Variants in BANP observed in about 807,000 individuals in gnomAD.
BANP encodes the protein BTG3 associated nuclear protein.
A neutral mutation model predicts 68.1 loss-of-function variants in BANP; 11 were observed. The observed-to-expected ratio is 0.16, with a 90% CI of 0.10 to 0.27. The LOEUF is 0.27. Ranked by LOEUF, BANP falls within the 10% of genes least tolerant of loss-of-function variation. BANP has a pLI of 1.00. For missense variants in BANP, 504 were observed against 722.7 expected, an observed-to-expected ratio of 0.70 and a Z score of 3.47; for synonymous variants, 329 against 303.2, an observed-to-expected ratio of 1.09 and a Z score of -0.88.
intron 4 of BANP, among the ~76,000 whole-genome samples, chr16:87,987,881 T>A (rs921498017): frequency 6.6e-6 from 1 of 151,918 alleles, no homozygotes; most frequent in African/African-American, 2.4e-5. Context: ...TTCTCCCACC[T>A]CAGCCTCCCG....
At position 88,037,994 on chromosome 16, in the gene BANP, G is replaced by T. The variant is rs138252049; in HGVS notation, c.1294G>T (p.Val432Leu). The T allele has an allele frequency of 1.2e-5, 20 of 1,613,772 alleles. No individual in the cohort carries two copies. The African/African-American group carries it at 2.0e-4, about 16-fold the overall frequency. Residue 432 changes from valine to leucine, a missense_variant, in exon 11 of 14, where the codon GTG becomes TTG. Physicochemically the swap from Val to Leu is conservative, Grantham distance 32. Transcript: ENST00000682872. ...GTAGGGCAACCTCCAGATCCATCAC[G>T]TGGGGCAGGACGGTCAGGTGAGTGT... Reference protein sequence around the residue: ...DSEGNLQIHHVGQDGQLLEAT... With the variant: ...DSEGNLQIHHLGQDGQLLEAT...
At chr16:88,035,464 G>T (rs2079103776) in intron 10 of BANP, 70 bp downstream of exon 10, 1 of 1,417,882 alleles carries the variant, frequency 7.1e-7, no homozygotes, top group Non-Finnish European at 9.7e-7. Context: ...CTTCATCGGT[G>T]TCACAGTGCG....
Position 88,018,856 on chromosome 16 carries a change from ACG to A in BANP, c.895+191_895+192del, listed in dbSNP as rs953787385. On this transcript the variant is annotated intron_variant, in intron 7 of 13. Coordinates refer to ENST00000682872, the MANE Select transcript of BANP (RefSeq NM_001386991.1). This position sits in a 1 kb window ranked among gnomAD's most constrained non-coding sequence, Gnocchi z 7.7. ...AGCTGTTGACCCTGATGTGCTTATT[ACG>A]CACGGCATGCCCGCACCAAAATACC... Among the ~76,000 whole-genome samples, 28 of 152,314 alleles carry A rather than the reference ACG, an allele frequency of 1.8e-4. No homozygotes were observed. The highest frequency in any genetic ancestry group is 6.5e-4 in the African/African-American group (27 of 41,562).
intron 9 of BANP, 148 bp from the exon 10 acceptor site, chr16:88,035,175 G>A: frequency 2.6e-6 from 2 of 757,152 alleles, no homozygotes; most frequent in East Asian, 5.6e-5. Flanking sequence ...TTAAAGAAGT[G>A]ACCACAGACT....
chr16:88,031,219 G>A (rs2152733576), intron 8 of BANP, among the ~76,000 whole-genome samples: 1 of 149,328 alleles, frequency 6.7e-6, no homozygotes, highest in South Asian at 2.1e-4. Flanking sequence ...TGGAGTCAGG[G>A]TCTTTGGCTG....
At chr16:87,961,873 C>T (rs2059220156) in intron 1 of BANP, among the ~76,000 whole-genome samples, 1 of 152,100 alleles carries the variant, frequency 6.6e-6, no homozygotes, top group South Asian at 2.1e-4. Context: ...CTCTCATATC[C>T]CCACCAGCAG....
At chr16:88,020,667 T>C (rs2075847046) in intron 7 of BANP, among the ~76,000 whole-genome samples, 1 of 152,162 alleles carries the variant, frequency 6.6e-6, no homozygotes, top group Non-Finnish European at 1.5e-5. Flanking sequence ...CGTGCTGTGC[T>C]GTGTGGGGCA....
At position 88,004,224 on chromosome 16, in the gene BANP, C is replaced by G; in HGVS notation, c.363-71C>G. 1 of 938,012 alleles carries G rather than the reference C, an allele frequency of 1.1e-6. No homozygotes were observed. Among genetic ancestry groups the G allele is most frequent in the Admixed American group, 2.0e-5 (1 of 50,120 alleles). 58.1% of individuals were successfully genotyped at this position (938,012 alleles called of 1,614,324 possible). ...TGGGAGTGGACTGTGTTGAATGACT[C>G]TTATGTGCTCTTACCATGAATGTTG... On this transcript the variant is annotated intron_variant, in intron 4 of 13. Coordinates refer to ENST00000682872, the MANE Select transcript of BANP (RefSeq NM_001386991.1). This position sits in a 1 kb window ranked among gnomAD's most constrained non-coding sequence, Gnocchi z 7.0.
intron 13 of BANP, among the ~76,000 whole-genome samples, chr16:88,076,368 G>T (rs2091615884): frequency 6.6e-6 from 1 of 152,204 alleles, no homozygotes; most frequent in Non-Finnish European, 1.5e-5. Flanking sequence ...GGGCCTGGGT[G>T]TGCCGGAGCC....
At chr16:87,974,959 T>C in intron 1 of BANP, 89 bp from the exon 2 acceptor site, 1 of 636,524 alleles carries the variant, frequency 1.6e-6, no homozygotes. Context: ...CGCGGCCTCT[T>C]GCATACACGT....
chr16:88,010,088 G>GTA (rs2072626282), intron 6 of BANP, among the ~76,000 whole-genome samples: 1 of 152,252 alleles, frequency 6.6e-6, no homozygotes, highest in African/African-American at 2.4e-5. Context: ...CCTTTTGTCA[G>GTA]TAGTTTTGGT....
At chr16:88,006,301 A>G in intron 6 of BANP, 36 bp downstream of exon 6, 1 of 1,541,286 alleles carries the variant, frequency 6.5e-7, no homozygotes, top group Non-Finnish European at 8.7e-7. Context: ...CCAGAGCGCC[A>G]GTACAATTGT....
At chr16:87,966,122 C>G (rs2059973262) in intron 1 of BANP, among the ~76,000 whole-genome samples, 1 of 152,240 alleles carries the variant, frequency 6.6e-6, no homozygotes, top group East Asian at 1.9e-4. Context: ...TTCTGGAGAT[C>G]TTTCCATTTT....
intron 7 of BANP, 61 bp from the exon 8 acceptor site, chr16:88,027,422 G>A (rs2077222881): frequency 1.9e-6 from 3 of 1,595,644 alleles, no homozygotes; most frequent in Non-Finnish European, 2.6e-6. Flanking sequence ...CTGCAGCCAG[G>A]CAGCTCCTGG....
chr16:88,042,142 G>C (rs1016963752), intron 11 of BANP, among the ~76,000 whole-genome samples: 9 of 152,264 alleles, frequency 5.9e-5, no homozygotes, highest in Non-Finnish European at 1.3e-4. Context: ...GTCCAGTGAG[G>C]TCAGACGGAG....
chr16:88,068,008 G>A (rs868391346), intron 12 of BANP, among the ~76,000 whole-genome samples: 3 of 150,694 alleles, frequency 2.0e-5, no homozygotes, highest in Admixed American at 2.0e-4. Context: ...TCGTCAGTCC[G>A]TGACACGCCA....
chr16:88,048,457 T>A (rs11646420), intron 11 of BANP, among the ~76,000 whole-genome samples: 112,598 of 151,166 alleles, frequency 0.74, 42,099 homozygotes, highest in Non-Finnish European at 0.8. Context: ...ACCGCAGATT[T>A]AAGAAAGGAC....
chr16:88,018,728 T>G lies in BANP; in HGVS notation c.895+61T>G, dbSNP rs2075160311. ...CGGGGAGCTGGGTCAGGACCCACAT[T>G]TCAATGCTGAGGACGCTGGCATCAG... On this transcript the variant is annotated intron_variant, in intron 7 of 13. Coordinates refer to ENST00000682872, the MANE Select transcript of BANP (RefSeq NM_001386991.1). This position sits in a 1 kb window ranked among gnomAD's most constrained non-coding sequence, Gnocchi z 7.7. The G allele has an allele frequency of 2.0e-6, 3 of 1,511,002 alleles. No homozygotes were observed. The highest frequency in any genetic ancestry group is 1.4e-5 in the African/African-American group (1 of 72,290). The allele number at this position is 1,511,002 out of a possible 1,614,324, so 93.6% of individuals were successfully genotyped here.
intron 1 of BANP, among the ~76,000 whole-genome samples, chr16:87,973,040 GT>G (rs1317458506): frequency 6.6e-5 from 10 of 151,956 alleles, no homozygotes; most frequent in Non-Finnish European, 1.0e-4. Flanking sequence ...ATCTGCTTGT[GT>G]TTGGGGTTCT....
Sources: allele counts gnomAD v4.1 joint callset (sites outside exome capture counted in the v4.1 genomes callset), GRCh38; gene constraint gnomAD v4.1.1; non-coding constraint Gnocchi (gnomAD v3.1); transcripts MANE v1.5; gene names NCBI Gene and HGNC (gene_info 2026-07-23, HGNC 2026-07-21).